Variants in GPC5 observed in about 807,000 individuals in gnomAD.
GPC5 encodes glypican 5.
GPC5 carries 47 observed loss-of-function variants against 53.9 expected under a neutral mutation model. That is an observed-to-expected ratio of 0.87 (90% CI 0.69 to 1.11). The LOEUF is 1.11. GPC5 is among the 50% of genes most tolerant of loss of function. GPC5 has a pLI of 0.00. For synonymous variants in GPC5, 286 were observed against 263.3 expected (o/e 1.09, Z -0.84); for missense variants, 748 against 713.1 (o/e 1.05, Z -0.56).
At chr13:91,796,287 G>A (rs779736937) in intron 5 of GPC5, among the ~76,000 whole-genome samples, 16 of 152,200 alleles carry the variant, frequency 1.1e-4, no homozygotes, top group African/African-American at 2.7e-4. Flanking sequence ...AGCAGTGGGC[G>A]CCTTGCTGGA....
chr13:92,353,417 A>G (rs1372274208), intron 7 of GPC5, among the ~76,000 whole-genome samples: 2 of 152,172 alleles, frequency 1.3e-5, no homozygotes, highest in African/African-American at 4.8e-5. Flanking sequence ...GTATGTTCCT[A>G]AAGATTGCAT....
At chr13:92,751,628 A>G (rs898333531) in intron 7 of GPC5, among the ~76,000 whole-genome samples, 3 of 151,986 alleles carry the variant, frequency 2.0e-5, no homozygotes, top group Non-Finnish European at 4.4e-5. Flanking sequence ...GGATAGCAGT[A>G]GAAGATATAC....
At chr13:91,745,660 G>A (rs764230181) in intron 4 of GPC5, among the ~76,000 whole-genome samples, 3 of 152,216 alleles carry the variant, frequency 2.0e-5, no homozygotes, top group Non-Finnish European at 4.4e-5. Flanking sequence ...CTATCTTTAC[G>A]TCACAGTTTC....
At chr13:92,236,085 A>G (rs1394156678) in intron 7 of GPC5, among the ~76,000 whole-genome samples, 1 of 152,064 alleles carries the variant, frequency 6.6e-6, no homozygotes, top group Non-Finnish European at 1.5e-5. Flanking sequence ...TATTTATTTT[A>G]GTTCTGTATT....
At chr13:91,951,606 A>G (rs1035198110) in intron 6 of GPC5, among the ~76,000 whole-genome samples, 4 of 152,174 alleles carry the variant, frequency 2.6e-5, no homozygotes, top group Non-Finnish European at 4.4e-5. Context: ...TTTATTACAG[A>G]AAACAGAAGA....
chr13:91,805,403 C>T (rs570328601), intron 5 of GPC5, among the ~76,000 whole-genome samples: 1 of 152,206 alleles, frequency 6.6e-6, no homozygotes, highest in East Asian at 1.9e-4. Flanking sequence ...AATATTTTAT[C>T]TTCCAAATTA....
chr13:92,176,327 TC>T (rs1257052842), intron 7 of GPC5, among the ~76,000 whole-genome samples: 5 of 152,166 alleles, frequency 3.3e-5, no homozygotes, highest in Non-Finnish European at 7.4e-5. Flanking sequence ...CCCTTGTGTC[TC>T]AAGACAGCTT....
intron 2 of GPC5, among the ~76,000 whole-genome samples, chr13:91,494,692 TAGGGGA>T (rs1455145124): frequency 8.5e-5 from 13 of 152,170 alleles, no homozygotes; most frequent in Non-Finnish European, 1.3e-4. Context: ...TAGTCAGCAG[TAGGGGA>T]CAGGGTGATC....
intron 7 of GPC5, among the ~76,000 whole-genome samples, chr13:92,450,082 G>A (rs1877997284): frequency 6.6e-6 from 1 of 152,104 alleles, no homozygotes; most frequent in Non-Finnish European, 1.5e-5. Flanking sequence ...ATTATTCAGA[G>A]AGTTTCAGAA....
intron 7 of GPC5, among the ~76,000 whole-genome samples, chr13:92,453,437 G>A (rs757169787): frequency 2.6e-5 from 4 of 151,964 alleles, no homozygotes; most frequent in Admixed American, 6.6e-5. Flanking sequence ...AAGGAAGAGC[G>A]GGATTCACCA....
At chr13:92,077,501 G>C (rs1345931996) in intron 6 of GPC5, among the ~76,000 whole-genome samples, 2 of 152,136 alleles carry the variant, frequency 1.3e-5, no homozygotes, top group Non-Finnish European at 2.9e-5. Flanking sequence ...ACTGGAGGTT[G>C]GCCCCGTTTC....
At chr13:92,545,156 G>C (rs1490646966) in intron 7 of GPC5, among the ~76,000 whole-genome samples, 1 of 151,988 alleles carries the variant, frequency 6.6e-6, no homozygotes, top group East Asian at 1.9e-4. Context: ...ACCTATGAGT[G>C]AGAACATGTG....
intron 7 of GPC5, chr13:92,241,453 T>G (rs1158008958): frequency 2.6e-5 from 4 of 152,156 alleles, no homozygotes; most frequent in Non-Finnish European, 5.9e-5. Flanking sequence ...GTTTTAGCAG[T>G]TCACAGTAAT....
intron 7 of GPC5, among the ~76,000 whole-genome samples, chr13:92,473,733 G>A (rs973057716): frequency 2.0e-5 from 3 of 152,128 alleles, no homozygotes; most frequent in East Asian, 3.9e-4. Flanking sequence ...ATTCCCTTAC[G>A]TTTTTATAGT....
chr13:91,589,762 A>G (rs2032728803), intron 2 of GPC5, among the ~76,000 whole-genome samples: 1 of 152,140 alleles, frequency 6.6e-6, no homozygotes, highest in South Asian at 2.1e-4. Flanking sequence ...GTGGCTAGAA[A>G]TATTCTATTA....
intron 7 of GPC5, among the ~76,000 whole-genome samples, chr13:92,311,823 A>G (rs371916803): frequency 9.8e-4 from 150 of 152,308 alleles, no homozygotes; most frequent in African/African-American, 3.5e-3. Flanking sequence ...CAGCCAAACC[A>G]TATCACTAGC....
intron 7 of GPC5, among the ~76,000 whole-genome samples, chr13:92,502,091 A>G (rs554058434): frequency 1.3e-5 from 2 of 152,228 alleles, no homozygotes; most frequent in South Asian, 4.1e-4. Flanking sequence ...ATATATAGTA[A>G]TGAGATTTAT....
intron 6 of GPC5, among the ~76,000 whole-genome samples, chr13:92,072,497 C>T (rs1002538838): frequency 6.6e-6 from 1 of 151,194 alleles, no homozygotes; most frequent in African/African-American, 2.4e-5. Flanking sequence ...GAACTCCTGA[C>T]CTTGTGATCC....
chr13:92,675,023 A>T (rs1886888445), intron 7 of GPC5, among the ~76,000 whole-genome samples: 1 of 152,122 alleles, frequency 6.6e-6, no homozygotes, highest in African/African-American at 2.4e-5. Flanking sequence ...GTTTTGAGTT[A>T]TATTTTTATT....
Sources: gnomAD v4.1 joint callset for allele counts (sites outside exome capture counted in the v4.1 genomes callset) on GRCh38, gnomAD v4.1.1 for gene constraint, MANE v1.5 for transcripts, NCBI Gene and HGNC (gene_info 2026-07-23, HGNC 2026-07-21) for gene names.